The following TMEM243 variants were observed in gnomAD, a reference collection of about 807,000 sequenced individuals.
The protein encoded by TMEM243 is MDR1 and mitochondrial taxol resistance associated.
TMEM243 carries 20 observed loss-of-function variants against 15.0 expected under a neutral mutation model. The observed-to-expected ratio is 1.33, with a 90% CI of 0.94 to 1.93. The LOEUF (loss-of-function observed/expected upper bound fraction) is 1.93. TMEM243 is among the 30% of genes most tolerant of loss of function. TMEM243 has a pLI of 0.00. For missense variants in TMEM243, 156 were observed against 142.1 expected (o/e 1.10, Z -0.50); for synonymous variants, 72 against 52.7 (o/e 1.37, Z -1.59).
chr7:87,215,805 T>C lies in TMEM243; in HGVS notation c.78+3621A>G, dbSNP rs542782121. On this transcript the variant is annotated intron_variant, in intron 1 of 3. Transcript: ENST00000257637. The stretch of plus-strand genomic sequence containing the variant: ...TAGGTATCAAGGAATGAGGTCTATG[T>C]TTCTTACAAAAGATGAACACCTTTC... Among the ~76,000 whole-genome samples the C allele has an allele frequency of 5.3e-5, 8 of 152,302 alleles. No individual in the cohort carries two copies. The South Asian group carries it at 1.7e-3, about 32-fold the overall frequency.
In TMEM243 at chr7:87,216,295, A is replaced by T. The variant is rs953200230; in HGVS notation, c.78+3131T>A. ...TCTCAAAAAAAAAAAAAAAAAAAAA[A>T]GTTAGCCAGGCTTGGTAGAAGGCGC... is the stretch of plus-strand genomic sequence containing the variant. On this transcript the variant is annotated intron_variant, in intron 1 of 3. Coordinates refer to ENST00000257637, the MANE Select transcript of TMEM243 (RefSeq NM_024315.4). Among the ~76,000 whole-genome samples the T allele has an allele frequency of 3.4e-5, 4 of 117,952 alleles. No individual in the cohort carries two copies. In the Admixed American group the frequency reaches 3.4e-4, roughly 10 times the overall value. The allele number at this position is 117,952 out of a possible 152,430, so 77.4% of individuals were successfully genotyped here.
chr7:87,213,581 TTC>T (rs934699123), intron 1 of TMEM243, among the ~76,000 whole-genome samples: 1 of 152,212 alleles, frequency 6.6e-6, no homozygotes, highest in African/African-American at 2.4e-5. Flanking sequence ...TTTATTCTTT[TTC>T]TCTTCTTTGC....
At chr7:87,208,639 T>C (rs1802397008) in intron 1 of TMEM243, among the ~76,000 whole-genome samples, 1 of 152,378 alleles carries the variant, frequency 6.6e-6, no homozygotes, top group Admixed American at 6.5e-5. Context: ...TCCTCTACCT[T>C]GGAAGGTCTG....
chr7:87,211,263 A>G lies in TMEM243; in HGVS notation c.78+8163T>C, dbSNP rs569585707. On this transcript the variant is annotated intron_variant, in intron 1 of 3. Coordinates refer to ENST00000257637, the MANE Select transcript of TMEM243 (RefSeq NM_024315.4). ...TGTTCTTCCTTTTATAAAAGGCTCA[A>G]TCCCATTTTATACTCATCCCTTACC... Among the ~76,000 whole-genome samples, 28 of 152,262 alleles carry G rather than the reference A, an allele frequency of 1.8e-4. 1 individual carries two copies. The highest frequency in any genetic ancestry group is 3.4e-3 in the Middle Eastern group (1 of 294).
chr7:87,205,017 G>A (rs112046729), intron 1 of TMEM243, among the ~76,000 whole-genome samples: 5,708 of 152,292 alleles, frequency 0.037, 127 homozygotes, highest in East Asian at 0.065. Context: ...TGACTTCTGC[G>A]CACCTGCGGA....
chr7:87,211,930 C>A (rs117208713), intron 1 of TMEM243, among the ~76,000 whole-genome samples: 1 of 152,198 alleles, frequency 6.6e-6, no homozygotes, highest in Admixed American at 6.5e-5. Context: ...GCCGAGAGCA[C>A]GGGATGTGCA....
chr7:87,211,894 C>T (rs1488784862), intron 1 of TMEM243, among the ~76,000 whole-genome samples: 1 of 152,192 alleles, frequency 6.6e-6, no homozygotes, highest in African/African-American at 2.4e-5. Context: ...TGAGACTTCC[C>T]AAAGCAACAC....
chr7:87,211,752 G>A (rs565696151), intron 1 of TMEM243, among the ~76,000 whole-genome samples: 6 of 152,266 alleles, frequency 3.9e-5, no homozygotes, highest in African/African-American at 1.4e-4. Context: ...GACTGTACAG[G>A]AGCTTCCCCT....
At chr7:87,205,916 A>G (rs1175739293) in intron 1 of TMEM243, among the ~76,000 whole-genome samples, 2 of 152,138 alleles carry the variant, frequency 1.3e-5, no homozygotes, top group Non-Finnish European at 2.9e-5. Context: ...CACTCCTGGT[A>G]CCAATTTATG....
At chr7:87,206,645 T>C (rs1199656641) in intron 1 of TMEM243, among the ~76,000 whole-genome samples, 1 of 152,252 alleles carries the variant, frequency 6.6e-6, no homozygotes, top group African/African-American at 2.4e-5. Flanking sequence ...GAGTTAATCA[T>C]ATTACATAGA....
At chr7:87,197,692 T>TG in intron 3 of TMEM243, 1 of 942,492 alleles carries the variant, frequency 1.1e-6, no homozygotes, top group Non-Finnish European at 1.3e-6. Flanking sequence ...CCACTAATTT[T>TG]TTTTTTTTTT....
In TMEM243 at chr7:87,219,664, C is replaced by T; in HGVS notation, c.-161G>A. On this transcript the variant is annotated 5_prime_UTR_variant, in exon 1 of 4. In the 5' UTR this introduces an upstream ATG that the reference lacks. Transcript: ENST00000257637. ...CGCCAGGGATGGGTGGGGGCTCACA[C>T]GCGGGGAACGCGACTGCTCCGCCCC... 1.6e-6 allele frequency: 1 copy of T among 633,278 alleles called. No homozygotes were observed. Among genetic ancestry groups the T allele is most frequent in the East Asian group, 2.8e-5 (1 of 36,170 alleles). 39.2% of individuals were successfully genotyped at this position (633,278 alleles called of 1,614,324 possible). A position where few individuals can be genotyped will look rare whatever the true frequency, so the allele number is the denominator to read the frequency against.
Position 87,197,967 on chromosome 7 carries a change from A to G in TMEM243, c.208T>C (p.Leu70=). ...LNIFFAVCIS[L]SSITACILIY... ...AGTATGCAGGCAGTAATACTACTCAAAGAGATGCAGACAGCAAAGAATATA... is the reference window on the plus strand; with the variant it reads ...AGTATGCAGGCAGTAATACTACTCAGAGAGATGCAGACAGCAAAGAATATA... Residue 70 remains leucine (L), a synonymous_variant, in exon 3 of 4, where the codon TTG becomes CTG. Transcript: ENST00000257637. 1 of 1,613,078 alleles carries G rather than the reference A, an allele frequency of 6.2e-7. No homozygotes were observed. The highest frequency in any genetic ancestry group is 8.5e-7 in the Non-Finnish European group (1 of 1,179,354).
intron 1 of TMEM243, among the ~76,000 whole-genome samples, chr7:87,202,071 G>A (rs1003198962): frequency 6.6e-6 from 1 of 152,116 alleles, no homozygotes; most frequent in African/African-American, 2.4e-5. Flanking sequence ...ATATATAGTT[G>A]AGATTTCACC....
chr7:87,216,209 G>T (rs539010396), intron 1 of TMEM243, among the ~76,000 whole-genome samples: 1 of 151,408 alleles, frequency 6.6e-6, no homozygotes, highest in East Asian at 2.0e-4. Context: ...GGGAGGCGGA[G>T]CTTGCAGTGA....
intron 1 of TMEM243, among the ~76,000 whole-genome samples, chr7:87,205,960 T>C (rs1459866807): frequency 6.6e-6 from 1 of 152,192 alleles, no homozygotes; most frequent in Non-Finnish European, 1.5e-5. Flanking sequence ...GATAAAGACA[T>C]ACCTGAGACT....
At chr7:87,211,396 G>A (rs1445043803) in intron 1 of TMEM243, among the ~76,000 whole-genome samples, 3 of 152,156 alleles carry the variant, frequency 2.0e-5, no homozygotes, top group Non-Finnish European at 4.4e-5. Context: ...CCCAAAGGGT[G>A]CTACTTCCTA....
At chr7:87,209,831 T>A (rs374685635) in intron 1 of TMEM243, among the ~76,000 whole-genome samples, 2,977 of 72,224 alleles carry the variant, frequency 0.041, 126 homozygotes, top group African/African-American at 0.09. Flanking sequence ...CGAGAGACAG[T>A]GAGAGAGAGA....
In TMEM243 at chr7:87,219,611, C is replaced by G; in HGVS notation, c.-108G>C. On this transcript the variant is annotated 5_prime_UTR_variant, in exon 1 of 4. Transcript: ENST00000257637. ...CTCCTCCTCACGGCTCCCGCATAGC[C>G]GAACCCGAGTGGTCGGGGAAGCGCT... 9.9e-7 allele frequency: 1 copy of G among 1,011,112 alleles called. No individual in the cohort carries two copies. Among genetic ancestry groups the G allele is most frequent in the Non-Finnish European group, 1.5e-6 (1 of 665,550 alleles). The allele number at this position is 1,011,112 out of a possible 1,614,324, so 62.6% of individuals were successfully genotyped here.
Sources: allele counts gnomAD v4.1 joint callset (sites outside exome capture counted in the v4.1 genomes callset), GRCh38; gene constraint gnomAD v4.1.1; transcripts MANE v1.5; gene names NCBI Gene and HGNC (gene_info 2026-07-23, HGNC 2026-07-21).